Variants in PDE7B observed in about 807,000 individuals in gnomAD.
The protein encoded by PDE7B is 3',5'-cyclic-AMP phosphodiesterase 7B.
In PDE7B, 29 loss-of-function variants were observed where a neutral mutation model predicts 56.2. That is an observed-to-expected ratio of 0.52 (90% CI 0.38 to 0.70). The LOEUF (loss-of-function observed/expected upper bound fraction) is 0.70, where lower values mean the gene tolerates loss of function less well. Among genes scored for constraint, PDE7B ranks in the 30% least tolerant of loss-of-function variants. The pLI, the probability that PDE7B is intolerant of heterozygous loss-of-function variation, is 0.00. For missense variants in PDE7B, 490 were observed against 565.0 expected, an observed-to-expected ratio of 0.87 and a Z score of 1.35; for synonymous variants, 197 against 196.9, an observed-to-expected ratio of 1.00 and a Z score of 0.00.
At chr6:136,191,478 C>T (rs1448914420) in intron 12 of PDE7B, 136 bp from the exon 13 acceptor site, 1 of 735,952 alleles carries the variant, frequency 1.4e-6, no homozygotes, top group Non-Finnish European at 2.3e-6. Context: ...GCCAACCTGG[C>T]CAACATGGGG....
intron 2 of PDE7B, among the ~76,000 whole-genome samples, chr6:136,058,718 G>A (rs754663356): frequency 1.3e-5 from 2 of 152,264 alleles, no homozygotes; most frequent in South Asian, 2.1e-4. Context: ...TGGGGAAAAT[G>A]TAAGAGAGGG....
At chr6:136,112,085 C>T (rs1411235316) in intron 3 of PDE7B, among the ~76,000 whole-genome samples, 1 of 152,118 alleles carries the variant, frequency 6.6e-6, no homozygotes, top group Admixed American at 6.5e-5. Flanking sequence ...GTCCCTCCCC[C>T]ACCCACCTCA....
chr6:135,869,715 G>A (rs959021914), intron 1 of PDE7B, among the ~76,000 whole-genome samples: 5 of 152,142 alleles, frequency 3.3e-5, no homozygotes, highest in African/African-American at 1.2e-4. Flanking sequence ...TGGCTCCATA[G>A]CCAGAAGAGA....
chr6:136,124,030 A>G (rs1777980746), intron 3 of PDE7B, among the ~76,000 whole-genome samples: 3 of 152,182 alleles, frequency 2.0e-5, no homozygotes, highest in Non-Finnish European at 4.4e-5. Context: ...TGAACTTTCT[A>G]TTGAACAGTT....
intron 1 of PDE7B, among the ~76,000 whole-genome samples, chr6:135,895,228 A>G (rs1775877617): frequency 6.6e-6 from 1 of 152,190 alleles, no homozygotes. Flanking sequence ...ATTCATAAAG[A>G]AATCCATAAG....
At chr6:135,862,623 G>A (rs967266302) in intron 1 of PDE7B, among the ~76,000 whole-genome samples, 1 of 151,738 alleles carries the variant, frequency 6.6e-6, no homozygotes, top group African/African-American at 2.4e-5. Context: ...GATAGAAATT[G>A]CACATAAGTC....
At chr6:136,050,122 G>A (rs2128211070) in intron 2 of PDE7B, among the ~76,000 whole-genome samples, 1 of 152,266 alleles carries the variant, frequency 6.6e-6, no homozygotes, top group East Asian at 1.9e-4. Flanking sequence ...TCCAGCCGAG[G>A]CTTCTCTAAC....
In PDE7B at chr6:135,972,895, C is replaced by A. The variant is rs191972315; in HGVS notation, c.82+25371C>A. ...TACTTTTTAAAAAACAATCTTTCACCCCCACAATGTTTGGGGGCTTGTTTA... is the reference window on the plus strand; with the variant it reads ...TACTTTTTAAAAAACAATCTTTCACACCCACAATGTTTGGGGGCTTGTTTA... On this transcript the variant is annotated intron_variant, in intron 2 of 12. Coordinates refer to ENST00000308191, the MANE Select transcript of PDE7B (RefSeq NM_018945.4). Among the ~76,000 whole-genome samples, 26 of 152,230 alleles carry A rather than the reference C, an allele frequency of 1.7e-4. No homozygotes were observed. In the East Asian group the frequency reaches 3.9e-3, roughly 23 times the overall value.
intron 9 of PDE7B, among the ~76,000 whole-genome samples, chr6:136,175,284 T>C (rs1249575704): frequency 6.6e-6 from 1 of 152,226 alleles, no homozygotes; most frequent in African/African-American, 2.4e-5. Flanking sequence ...TCATAATCAT[T>C]ATTATTCCTT....
At chr6:135,948,556 T>C (rs954544985) in intron 2 of PDE7B, among the ~76,000 whole-genome samples, 1 of 151,976 alleles carries the variant, frequency 6.6e-6, no homozygotes, top group African/African-American at 2.4e-5. Flanking sequence ...TCAAAGGTGG[T>C]ACACGACTTA....
chr6:135,947,571 G>T (rs760832774), intron 2 of PDE7B, 47 bp downstream of exon 2: 1 of 1,372,746 alleles, frequency 7.3e-7, no homozygotes. Context: ...TTGATGTCAT[G>T]TGGAGTTATC....
intron 2 of PDE7B, among the ~76,000 whole-genome samples, chr6:135,986,038 T>C (rs969875055): frequency 6.6e-6 from 1 of 152,166 alleles, no homozygotes; most frequent in Admixed American, 6.5e-5. Context: ...GCCTGTGTTT[T>C]ATAGAAGGCA....
chr6:135,986,833 G>T (rs1203812870), intron 2 of PDE7B, among the ~76,000 whole-genome samples: 1 of 152,208 alleles, frequency 6.6e-6, no homozygotes, highest in Non-Finnish European at 1.5e-5. Context: ...CTGATGAAAT[G>T]GATCACAATG....
chr6:136,018,336 A>T (rs1776013537), intron 2 of PDE7B, among the ~76,000 whole-genome samples: 1 of 152,234 alleles, frequency 6.6e-6, no homozygotes, highest in Non-Finnish European at 1.5e-5. Flanking sequence ...ACCACACTGC[A>T]CCTGAAAGAC....
At chr6:135,896,138 G>GC (rs1775897595) in intron 1 of PDE7B, among the ~76,000 whole-genome samples, 1 of 152,114 alleles carries the variant, frequency 6.6e-6, no homozygotes, top group Non-Finnish European at 1.5e-5. Context: ...CCTAGAACAT[G>GC]CCAAACAACA....
At chr6:136,082,677 A>G (rs1449086629) in intron 2 of PDE7B, among the ~76,000 whole-genome samples, 1 of 152,194 alleles carries the variant, frequency 6.6e-6, no homozygotes, top group Non-Finnish European at 1.5e-5. Flanking sequence ...TTTACTTACA[A>G]CATTCAGGAG....
intron 1 of PDE7B, among the ~76,000 whole-genome samples, chr6:135,901,308 A>G (rs1164316405): frequency 6.6e-6 from 1 of 152,218 alleles, no homozygotes; most frequent in Non-Finnish European, 1.5e-5. Context: ...GCATTCTCCT[A>G]TATGATTCAT....
chr6:136,066,400 C>T (rs1028782446), intron 2 of PDE7B, among the ~76,000 whole-genome samples: 19 of 152,062 alleles, frequency 1.2e-4, no homozygotes, highest in Admixed American at 1.2e-3. Context: ...AGAAATGAAA[C>T]GTTATTGATG....
intron 2 of PDE7B, among the ~76,000 whole-genome samples, chr6:136,073,248 T>C (rs574818005): frequency 4.6e-5 from 7 of 152,314 alleles, no homozygotes; most frequent in African/African-American, 1.7e-4. Flanking sequence ...CCGTACGCCA[T>C]GCATTGTGAC....
Sources: gnomAD v4.1 joint callset for allele counts (sites outside exome capture counted in the v4.1 genomes callset) on GRCh38, gnomAD v4.1.1 for gene constraint, MANE v1.5 for transcripts, NCBI Gene and HGNC (gene_info 2026-07-23, HGNC 2026-07-21) for gene names.